CNTNAP2: variants seen among roughly 807,000 people sequenced by gnomAD.
The protein encoded by CNTNAP2 is contactin associated protein 2.
Under a neutral mutation model 155.2 loss-of-function variants are expected in CNTNAP2, and 98 were observed. That is an observed-to-expected ratio of 0.63 (90% CI 0.54 to 0.75). The LOEUF is 0.75. Among genes scored for constraint, CNTNAP2 ranks in the 30% least tolerant of loss-of-function variants. The pLI is 0.00. For missense variants in CNTNAP2, 1,727 were observed against 1,688.1 expected (o/e 1.02, Z -0.40); for synonymous variants, 651 against 631.2 (o/e 1.03, Z -0.47).
At chr7:148,191,202 C>T (rs1795198663) in intron 18 of CNTNAP2, among the ~76,000 whole-genome samples, 1 of 151,958 alleles carries the variant, frequency 6.6e-6, no homozygotes. Flanking sequence ...GCTGTAATTG[C>T]AGGAGTCAAT....
At chr7:147,241,158 G>A (rs1803928176) in intron 8 of CNTNAP2, among the ~76,000 whole-genome samples, 1 of 152,170 alleles carries the variant, frequency 6.6e-6, no homozygotes, top group Non-Finnish European at 1.5e-5. Flanking sequence ...AATGAAGCAA[G>A]TCAATCTTTA....
chr7:146,551,393 G>GT (rs1353950028), intron 1 of CNTNAP2, among the ~76,000 whole-genome samples: 1 of 151,844 alleles, frequency 6.6e-6, no homozygotes, highest in African/African-American at 2.4e-5. Context: ...GTGGTGTTTG[G>GT]TTTTTTGTCC....
At chr7:147,164,128 A>G (rs147911101) in intron 8 of CNTNAP2, among the ~76,000 whole-genome samples, 1 of 152,380 alleles carries the variant, frequency 6.6e-6, no homozygotes, top group Non-Finnish European at 1.5e-5. Flanking sequence ...AAGCAAAAAC[A>G]TAATTGAAAG....
chr7:147,030,085 A>G (rs1436003791), intron 3 of CNTNAP2, among the ~76,000 whole-genome samples: 1 of 152,220 alleles, frequency 6.6e-6, no homozygotes, highest in Non-Finnish European at 1.5e-5. Context: ...TACTGTAAAC[A>G]ATTTCTAGAG....
chr7:147,135,040 T>C (rs1007713377), intron 8 of CNTNAP2, among the ~76,000 whole-genome samples: 2 of 151,920 alleles, frequency 1.3e-5, no homozygotes, highest in African/African-American at 4.8e-5. Context: ...AATTCCATGG[T>C]CCAGGATGAA....
intron 3 of CNTNAP2, among the ~76,000 whole-genome samples, chr7:147,025,156 C>T (rs922408840): frequency 1.3e-5 from 2 of 148,514 alleles, no homozygotes; most frequent in Non-Finnish European, 3.0e-5. Context: ...TGTGGTGGCA[C>T]GCCCCTGTAA....
chr7:146,524,386 T>G (rs978950008), intron 1 of CNTNAP2, among the ~76,000 whole-genome samples: 3 of 152,154 alleles, frequency 2.0e-5, no homozygotes, highest in Non-Finnish European at 2.9e-5. Flanking sequence ...TCATTTTTTT[T>G]TCTATGTCTG....
intron 3 of CNTNAP2, among the ~76,000 whole-genome samples, chr7:146,871,188 G>A (rs1795298498): frequency 1.3e-5 from 2 of 152,066 alleles, no homozygotes; most frequent in Admixed American, 6.6e-5. Flanking sequence ...TATTAAACAG[G>A]CACATCTAGG....
At chr7:148,295,538 C>A (rs1797264388) in intron 21 of CNTNAP2, among the ~76,000 whole-genome samples, 1 of 148,276 alleles carries the variant, frequency 6.7e-6, no homozygotes, top group Non-Finnish European at 1.5e-5. Flanking sequence ...GTCGCCCAGG[C>A]GGGAGTGCTG....
chr7:146,535,395 A>G lies in CNTNAP2; in HGVS notation c.98-238876A>G, dbSNP rs938100473. Among the ~76,000 whole-genome samples the G allele has an allele frequency of 7.2e-5, 6 of 83,008 alleles. No homozygotes were observed. In the East Asian group the frequency reaches 1.5e-3, roughly 21 times the overall value. 54.5% of individuals were successfully genotyped at this position (83,008 alleles called of 152,430 possible). ...TTATATATGATATAATATATGATAT[A>G]TATATTATATATGATATAATATATG... On this transcript the variant is annotated intron_variant, in intron 1 of 23. Coordinates refer to ENST00000361727, the MANE Select transcript of CNTNAP2 (RefSeq NM_014141.6).
At chr7:146,159,083 T>TC (rs1296982053) in intron 1 of CNTNAP2, among the ~76,000 whole-genome samples, 1 of 152,178 alleles carries the variant, frequency 6.6e-6, no homozygotes, top group African/African-American at 2.4e-5. Context: ...TGGGGGCCAG[T>TC]ATTCAACATT....
chr7:147,421,746 G>T (rs1299190064), intron 10 of CNTNAP2, among the ~76,000 whole-genome samples: 3 of 152,070 alleles, frequency 2.0e-5, no homozygotes, highest in Non-Finnish European at 4.4e-5. Context: ...GGTCACGGGG[G>T]TGGATCCCTT....
chr7:147,656,246 A>G (rs370792566), intron 13 of CNTNAP2, among the ~76,000 whole-genome samples: 13 of 152,174 alleles, frequency 8.5e-5, no homozygotes, highest in Non-Finnish European at 1.6e-4. Context: ...TCACTTTTCT[A>G]TCTTTCATCT....
intron 13 of CNTNAP2, among the ~76,000 whole-genome samples, chr7:147,801,763 T>C (rs1274804416): frequency 1.3e-5 from 2 of 152,212 alleles, no homozygotes; most frequent in Non-Finnish European, 2.9e-5. Flanking sequence ...TTCTCAATCT[T>C]TTCCCCACCC....
chr7:148,226,406 A>G (rs992411694), intron 19 of CNTNAP2, among the ~76,000 whole-genome samples: 1 of 151,884 alleles, frequency 6.6e-6, no homozygotes, highest in Non-Finnish European at 1.5e-5. Context: ...CCATCAGGTG[A>G]TGGTCAGGCA....
rs58719268 is a variant in CNTNAP2 at position 146,971,208 on chromosome 7, TA to T, written c.403-72690del. ...TGTACCCTAAAACTTAAAGTATAAT[TA>T]AAAAAAAAGTTAATACTAAAGAAAG... is the stretch of plus-strand genomic sequence containing the variant. On this transcript the variant is annotated intron_variant, in intron 3 of 23. Coordinates refer to ENST00000361727, the MANE Select transcript of CNTNAP2 (RefSeq NM_014141.6). 1.5e-4 allele frequency among the ~76,000 whole-genome samples: 22 copies of T among 151,016 alleles called. No homozygotes were observed. The South Asian group carries it at 2.1e-3, about 14-fold the overall frequency.
chr7:147,496,668 A>G (rs1050871477), intron 11 of CNTNAP2: 2 of 152,198 alleles, frequency 1.3e-5, no homozygotes, highest in Non-Finnish European at 2.9e-5. Context: ...GTCTTCTGAA[A>G]TTAAGACACC....
At chr7:148,356,077 A>T (rs1052261355) in intron 21 of CNTNAP2, among the ~76,000 whole-genome samples, 3 of 152,270 alleles carry the variant, frequency 2.0e-5, no homozygotes, top group Non-Finnish European at 4.4e-5. Flanking sequence ...ACACACATAG[A>T]CTATAATGAC....
chr7:146,214,764 T>C (rs1052428171), intron 1 of CNTNAP2, among the ~76,000 whole-genome samples: 2 of 152,114 alleles, frequency 1.3e-5, no homozygotes, highest in Admixed American at 6.6e-5. Flanking sequence ...ACAGGCTATA[T>C]TGCATTGCAA....
Sources: allele counts gnomAD v4.1 joint callset (sites outside exome capture counted in the v4.1 genomes callset), GRCh38; gene constraint gnomAD v4.1.1; transcripts MANE v1.5; gene names NCBI Gene and HGNC (gene_info 2026-07-23, HGNC 2026-07-21).